CATSPERB: variants seen among roughly 807,000 people sequenced by gnomAD.
The protein encoded by CATSPERB is catsper channel auxiliary subunit beta.
In CATSPERB, 93 loss-of-function variants were observed where a neutral mutation model predicts 128.3. The observed-to-expected ratio is 0.72, with a 90% CI of 0.61 to 0.86. The LOEUF is 0.86. CATSPERB is among the 40% of genes least tolerant of loss of function. The probability of loss-of-function intolerance (pLI) is 0.00; values close to 1 mark genes in which losing one functional copy is unlikely to be tolerated. For synonymous variants in CATSPERB, 381 were observed against 448.8 expected (o/e 0.85, Z 1.91); for missense variants, 1,153 against 1,329.5 (o/e 0.87, Z 2.06).
chr14:91,714,763 T>C (rs987987413), intron 5 of CATSPERB, among the ~76,000 whole-genome samples: 5 of 152,066 alleles, frequency 3.3e-5, no homozygotes, highest in Non-Finnish European at 5.9e-5. Context: ...TTTCGCCACG[T>C]TGGCCAGGCT....
At chr14:91,594,414 A>G (rs956296108) in intron 22 of CATSPERB, among the ~76,000 whole-genome samples, 3 of 152,004 alleles carry the variant, frequency 2.0e-5, no homozygotes, top group Admixed American at 6.6e-5. Flanking sequence ...CCAACATGGC[A>G]CATGTATACA....
At chr14:91,625,254 T>C (rs762095907) in intron 17 of CATSPERB, among the ~76,000 whole-genome samples, 10 of 152,214 alleles carry the variant, frequency 6.6e-5, no homozygotes, top group African/African-American at 1.4e-4. Context: ...TGAGTGAAGA[T>C]AGGCATTCAT....
chr14:91,591,089 G>T (rs891575782), intron 23 of CATSPERB, among the ~76,000 whole-genome samples: 4 of 151,872 alleles, frequency 2.6e-5, no homozygotes, highest in African/African-American at 9.7e-5. Flanking sequence ...ATGGAATCTT[G>T]CTCTGTCATC....
chr14:91,603,258 G>T, intron 22 of CATSPERB: 3 of 1,088,798 alleles, frequency 2.8e-6, no homozygotes, highest in Non-Finnish European at 4.3e-6. Context: ...CTGTTTCAAA[G>T]CCAGCATATA....
Position 91,621,603 on chromosome 14 carries a change from C to T in CATSPERB, c.2260+5G>A. On this transcript the variant is annotated splice_donor_5th_base_variant and intron_variant, in intron 19 of 26. Transcript: ENST00000256343. Reference sequence around the variant, plus strand: ...TTTTATATTTTCCGATCAAAACAAACTTACCTTTTGCATTCCGTATGACCT... The same window carrying T: ...TTTTATATTTTCCGATCAAAACAAATTTACCTTTTGCATTCCGTATGACCT... 6.4e-7 allele frequency: 1 copy of T among 1,554,078 alleles called. No individual in the cohort carries two copies. The highest frequency in any genetic ancestry group is 8.7e-7 in the Non-Finnish European group (1 of 1,149,806).
chr14:91,600,884 T>TA (rs1160020477), intron 22 of CATSPERB, among the ~76,000 whole-genome samples: 1 of 152,164 alleles, frequency 6.6e-6, no homozygotes, highest in African/African-American at 2.4e-5. Context: ...AATTCAAAGC[T>TA]AAAAAAAGAA....
At chr14:91,616,740 T>C (rs1339367226) in intron 20 of CATSPERB, among the ~76,000 whole-genome samples, 3 of 139,980 alleles carry the variant, frequency 2.1e-5, no homozygotes, top group African/African-American at 8.1e-5. Flanking sequence ...CCCCTTTTTT[T>C]TTTTTTTTTT....
chr14:91,691,198 A>C (rs11847696), intron 10 of CATSPERB, among the ~76,000 whole-genome samples: 2,223 of 152,292 alleles, frequency 0.015, 53 homozygotes, highest in African/African-American at 0.05. Flanking sequence ...AGTCAAGTGT[A>C]CTTGTGCAGA....
chr14:91,630,403 G>C (rs1164589175), intron 17 of CATSPERB, among the ~76,000 whole-genome samples: 1 of 152,144 alleles, frequency 6.6e-6, no homozygotes, highest in Non-Finnish European at 1.5e-5. Context: ...ACTTTTCTGA[G>C]CTATGAATTC....
At chr14:91,588,135 T>C (rs919296938) in intron 24 of CATSPERB, 57 bp from the exon 25 acceptor site, 5 of 1,143,204 alleles carry the variant, frequency 4.4e-6, no homozygotes, top group Non-Finnish European at 6.4e-6. Context: ...TTGTATTAGG[T>C]TGGTGCAAAA....
At position 91,695,799 on chromosome 14, in the gene CATSPERB, T is replaced by C. The variant is rs192116608; in HGVS notation, c.617-2320A>G. 3.1e-4 allele frequency among the ~76,000 whole-genome samples: 47 copies of C among 152,308 alleles called. 1 individual carries two copies. The East Asian group carries it at 7.3e-3, about 24-fold the overall frequency. ...GAAATAGAGAGACCACTTAAGAGGC[T>C]AATTAGTCTAATAAAAAATGTTGAC... On this transcript the variant is annotated intron_variant, in intron 7 of 26. Transcript: ENST00000256343.
rs372222371 is a variant in CATSPERB, at chr14:91,707,663, A to G, written c.466+478T>C. On this transcript the variant is annotated intron_variant, in intron 6 of 26. Transcript: ENST00000256343. Reference sequence around the variant, plus strand: ...GCCCAGGCTGGAATACAATGGTGCAATCCTGGCTCACTGTAACCTCTGCCT... The same window carrying G: ...GCCCAGGCTGGAATACAATGGTGCAGTCCTGGCTCACTGTAACCTCTGCCT... Among the ~76,000 whole-genome samples, 16 of 134,564 alleles carry G rather than the reference A, an allele frequency of 1.2e-4. No homozygotes were observed. In the South Asian group the frequency reaches 1.8e-3, roughly 15 times the overall value. The allele number at this position is 134,564 out of a possible 152,430, so 88.3% of individuals were successfully genotyped here.
chr14:91,723,585 C>T (rs866369638), intron 3 of CATSPERB, among the ~76,000 whole-genome samples: 5 of 152,050 alleles, frequency 3.3e-5, no homozygotes, highest in African/African-American at 1.2e-4. Context: ...GAAAATGTAG[C>T]GATCAGAAAT....
At chr14:91,630,913 A>G (rs1894263622) in intron 17 of CATSPERB, among the ~76,000 whole-genome samples, 3 of 152,114 alleles carry the variant, frequency 2.0e-5, no homozygotes, top group Admixed American at 2.0e-4. Context: ...TGGCCTTTCC[A>G]CGACACCATC....
At chr14:91,731,360 T>G (rs934928385) in intron 1 of CATSPERB, among the ~76,000 whole-genome samples, 1 of 152,220 alleles carries the variant, frequency 6.6e-6, no homozygotes, top group African/African-American at 2.4e-5. Context: ...TTTTCCTTAT[T>G]TGATACTATC....
intron 15 of CATSPERB, among the ~76,000 whole-genome samples, chr14:91,651,075 T>TC (rs1894697003): frequency 3.3e-5 from 5 of 152,242 alleles, no homozygotes; most frequent in Admixed American, 6.5e-5. Flanking sequence ...TCTCAGACTT[T>TC]CTCTTTCCTG....
At chr14:91,677,299 G>C (rs1895207154) in intron 11 of CATSPERB, among the ~76,000 whole-genome samples, 1 of 152,052 alleles carries the variant, frequency 6.6e-6, no homozygotes, top group Non-Finnish European at 1.5e-5. Context: ...CTACGAATGG[G>C]AGAATATTTT....
intron 13 of CATSPERB, among the ~76,000 whole-genome samples, chr14:91,671,293 G>C (rs996771359): frequency 3.3e-5 from 5 of 152,056 alleles, no homozygotes; most frequent in Admixed American, 1.3e-4. Context: ...ATATCTCCTG[G>C]CCAGGCGCTG....
chr14:91,703,095 A>C (rs1895677947), intron 7 of CATSPERB, among the ~76,000 whole-genome samples: 1 of 152,038 alleles, frequency 6.6e-6, no homozygotes, highest in Non-Finnish European at 1.5e-5. Context: ...TTTTGTAGGT[A>C]TACATATTAT....
Sources: allele counts gnomAD v4.1 joint callset (sites outside exome capture counted in the v4.1 genomes callset), GRCh38; gene constraint gnomAD v4.1.1; transcripts MANE v1.5; gene names NCBI Gene and HGNC (gene_info 2026-07-23, HGNC 2026-07-21).